Variants in PALLD observed in about 807,000 individuals in gnomAD.
PALLD encodes the protein palladin, cytoskeletal associated protein, also known as palladin.
A neutral mutation model predicts 123.5 loss-of-function variants in PALLD; 61 were observed. That is an observed-to-expected ratio of 0.49 (90% CI 0.40 to 0.61). The LOEUF is 0.61. PALLD is among the 20% of genes least tolerant of loss of function. The probability of loss-of-function intolerance (pLI) is 0.00; values close to 1 mark genes in which losing one functional copy is unlikely to be tolerated. For synonymous variants in PALLD, 465 were observed against 496.4 expected (o/e 0.94, Z 0.84); for missense variants, 1,273 against 1,377.0 (o/e 0.92, Z 1.20).
At chr4:168,502,192 T>C (rs1761481164) in intron 1 of PALLD, among the ~76,000 whole-genome samples, 1 of 152,190 alleles carries the variant, frequency 6.6e-6, no homozygotes, top group Non-Finnish European at 1.5e-5. Flanking sequence ...TTTTTTTAGC[T>C]AAAAACATCT....
intron 2 of PALLD, among the ~76,000 whole-genome samples, chr4:168,572,562 C>T (rs780354186): frequency 1.3e-5 from 2 of 151,978 alleles, no homozygotes; most frequent in East Asian, 1.9e-4. Context: ...TCAAACTCAA[C>T]GTGTCCAAAC....
chr4:168,610,119 A>C (rs1773590156), intron 2 of PALLD, among the ~76,000 whole-genome samples: 1 of 151,996 alleles, frequency 6.6e-6, no homozygotes, highest in African/African-American at 2.4e-5. Context: ...ATCTTCCCTC[A>C]ACTCTTTTAT....
intron 10 of PALLD, among the ~76,000 whole-genome samples, chr4:168,716,878 C>T (rs1032219997): frequency 6.6e-6 from 1 of 152,162 alleles, no homozygotes; most frequent in Non-Finnish European, 1.5e-5. Context: ...GTTTCCTCCA[C>T]ACTCCTAGAC....
intron 3 of PALLD, among the ~76,000 whole-genome samples, chr4:168,676,235 G>A (rs887563300): frequency 2.7e-5 from 4 of 150,772 alleles, no homozygotes; most frequent in African/African-American, 7.3e-5. Flanking sequence ...GTCATTAAAC[G>A]TTCTTTAAAA....
chr4:168,676,130 T>C (rs1461049054), intron 3 of PALLD, among the ~76,000 whole-genome samples: 1 of 152,204 alleles, frequency 6.6e-6, no homozygotes, highest in Non-Finnish European at 1.5e-5. Context: ...ATCTTTCCAA[T>C]TTTTTCCTAC....
intron 1 of PALLD, among the ~76,000 whole-genome samples, chr4:168,510,218 T>C (rs1169465770): frequency 6.6e-6 from 1 of 152,082 alleles, no homozygotes. Flanking sequence ...TAACAAGGAG[T>C]CATTGCTTCA....
intron 2 of PALLD, among the ~76,000 whole-genome samples, chr4:168,564,255 C>T (rs73863954): frequency 0.023 from 3,574 of 152,238 alleles, 143 homozygotes; most frequent in African/African-American, 0.079. Flanking sequence ...TTCTTAGAGG[C>T]GAGGTGAGGT....
intron 10 of PALLD, among the ~76,000 whole-genome samples, chr4:168,874,164 G>A (rs144002032): frequency 6.6e-6 from 1 of 152,302 alleles, no homozygotes; most frequent in East Asian, 1.9e-4. Flanking sequence ...TTCTCACAAT[G>A]ACCCCACAAG....
intron 2 of PALLD, among the ~76,000 whole-genome samples, chr4:168,645,842 T>C (rs1327238459): frequency 6.6e-6 from 1 of 152,126 alleles, no homozygotes; most frequent in Non-Finnish European, 1.5e-5. Context: ...TTGCTGACCT[T>C]GGCCCCATTA....
At chr4:168,593,462 G>C (rs568747247) in intron 2 of PALLD, among the ~76,000 whole-genome samples, 11 of 114,328 alleles carry the variant, frequency 9.6e-5, no homozygotes, top group Non-Finnish European at 1.5e-4. Flanking sequence ...AAAGGAAGAC[G>C]AGTCCAATCA....
intron 2 of PALLD, among the ~76,000 whole-genome samples, 166 bp from the exon 3 acceptor site, chr4:168,668,024 A>G (rs1263842560): frequency 6.6e-6 from 1 of 152,162 alleles, no homozygotes; most frequent in Non-Finnish European, 1.5e-5. Flanking sequence ...CATTAATTTC[A>G]CAGTCTAAAT....
intron 10 of PALLD, among the ~76,000 whole-genome samples, chr4:168,776,034 A>G (rs925625979): frequency 5.3e-5 from 8 of 152,198 alleles, no homozygotes; most frequent in Non-Finnish European, 1.0e-4. Flanking sequence ...GCATTTCTCT[A>G]TAGATTTTTG....
chr4:168,650,859 A>G (rs1348608965), intron 2 of PALLD, among the ~76,000 whole-genome samples: 1 of 152,100 alleles, frequency 6.6e-6, no homozygotes, highest in Non-Finnish European at 1.5e-5. Context: ...TACCAAGTAT[A>G]ATAGTACTTT....
intron 2 of PALLD, among the ~76,000 whole-genome samples, chr4:168,525,270 G>A (rs1311647245): frequency 2.6e-5 from 4 of 152,156 alleles, no homozygotes; most frequent in South Asian, 2.1e-4. Flanking sequence ...CATTTTTTAC[G>A]AAATAAATAA....
chr4:168,857,089 T>C (rs1471565915), intron 10 of PALLD, among the ~76,000 whole-genome samples: 1 of 152,250 alleles, frequency 6.6e-6, no homozygotes, highest in African/African-American at 2.4e-5. Context: ...TCCTCGTATT[T>C]TCTAGACCAG....
intron 10 of PALLD, among the ~76,000 whole-genome samples, chr4:168,731,097 C>T (rs1787129287): frequency 6.6e-6 from 1 of 152,200 alleles, no homozygotes; most frequent in Admixed American, 6.5e-5. Flanking sequence ...ATCAAGGTTT[C>T]TGCTGCTCAC....
At chr4:168,682,160 C>G (rs905701244) in intron 4 of PALLD, among the ~76,000 whole-genome samples, 19 of 152,058 alleles carry the variant, frequency 1.2e-4, no homozygotes, top group Admixed American at 2.6e-4. Context: ...CAAAGACATA[C>G]CAATTATTAA....
chr4:168,859,190 C>T (rs1347452724), intron 10 of PALLD, among the ~76,000 whole-genome samples: 1 of 152,186 alleles, frequency 6.6e-6, no homozygotes, highest in East Asian at 1.9e-4. Context: ...CATCTCCACC[C>T]CACAGCCTGC....
chr4:168,632,395 T>C (rs1775924806), intron 2 of PALLD, among the ~76,000 whole-genome samples: 1 of 152,230 alleles, frequency 6.6e-6, no homozygotes, highest in Admixed American at 6.5e-5. Flanking sequence ...GAATGAGGTC[T>C]AGCTGGAAAC....
Sources: allele counts gnomAD v4.1 joint callset (sites outside exome capture counted in the v4.1 genomes callset), GRCh38; gene constraint gnomAD v4.1.1; transcripts MANE v1.5; gene names NCBI Gene and HGNC (gene_info 2026-07-23, HGNC 2026-07-21).